The following ENOX2 variants were observed in gnomAD, a reference collection of about 807,000 sequenced individuals.
ENOX2 encodes APK1 antigen.
ENOX2 carries 36 observed loss-of-function variants against 45.0 expected under a neutral mutation model. That is an observed-to-expected ratio of 0.80 (90% confidence interval 0.61 to 1.06). The LOEUF (loss-of-function observed/expected upper bound fraction) is 1.06. Among genes scored for constraint, ENOX2 ranks in the 50% least tolerant of loss-of-function variants. The pLI is 0.00. For synonymous variants in ENOX2, 174 were observed against 152.3 expected, an observed-to-expected ratio of 1.14 and a Z score of -1.05; for missense variants, 423 against 462.5, an observed-to-expected ratio of 0.91 and a Z score of 0.78.
chrX:130,638,140 C>T (rs1368436984), intron 10 of ENOX2, among the ~76,000 whole-genome samples: 3 of 106,642 alleles, frequency 2.8e-5, no homozygotes, highest in East Asian at 2.9e-4. Context: ...AGGATCTTGG[C>T]TCACTGCAAC....
intron 3 of ENOX2, among the ~76,000 whole-genome samples, chrX:130,750,997 T>A: frequency 8.9e-6 from 1 of 111,814 alleles, no homozygotes; most frequent in Non-Finnish European, 1.9e-5. Flanking sequence ...TTTCCTTTAG[T>A]AGTTTGGCTG....
At chrX:130,710,693 A>G (rs2038166496) in intron 3 of ENOX2, among the ~76,000 whole-genome samples, 1 of 111,445 alleles carries the variant, frequency 9.0e-6, no homozygotes, top group African/African-American at 3.3e-5. Flanking sequence ...CATCTATCAC[A>G]TGTATAGGCA....
chrX:130,790,166 TGAA>T lies in ENOX2; in HGVS notation c.-182-6479_-182-6477del, dbSNP rs773106741. On this transcript the variant is annotated intron_variant, in intron 2 of 14. Coordinates refer to ENST00000394363, the MANE Select transcript of ENOX2 (RefSeq NM_006375.4). ...ACAAATAATGGGTAAGTAAAGGTAA[TGAA>T]GAAGAAGTGAGAAAGAAAACGGAAA... 3.6e-5 allele frequency among the ~76,000 whole-genome samples: 4 copies of T among 112,598 alleles called. No individual in the cohort carries two copies. In the East Asian group the frequency reaches 8.4e-4, roughly 24 times the overall value.
intron 3 of ENOX2, among the ~76,000 whole-genome samples, chrX:130,733,030 C>G (rs2148296942): frequency 8.9e-6 from 1 of 111,915 alleles, no homozygotes; most frequent in Non-Finnish European, 1.9e-5. Flanking sequence ...GGGTCTACAT[C>G]AAACTAAAAA....
chrX:130,870,686 C>A (rs958296214), intron 2 of ENOX2, among the ~76,000 whole-genome samples: 1 of 111,697 alleles, frequency 9.0e-6, no homozygotes, highest in Non-Finnish European at 1.9e-5. Flanking sequence ...CCCTTTAACA[C>A]ACACCTTGCC....
chrX:130,833,011 T>TCACACA lies in ENOX2; in HGVS notation c.-182-49327_-182-49322dup, dbSNP rs10568834. On this transcript the variant is annotated intron_variant, in intron 2 of 14. Coordinates refer to ENST00000394363, the MANE Select transcript of ENOX2 (RefSeq NM_006375.4). ...CTGAAGTATAAGTATTCATGTATAA[T>TCACACA]CACACACACACACACACACACACAC... 7.1e-3 allele frequency among the ~76,000 whole-genome samples: 585 copies of TCACACA among 82,970 alleles called. 4 individuals are homozygous for TCACACA. The highest frequency in any genetic ancestry group is 0.018 in the African/African-American group (425 of 23,132). 72.0% of individuals were successfully genotyped at this position (82,970 alleles called of 115,157 possible).
intron 6 of ENOX2, among the ~76,000 whole-genome samples, chrX:130,675,089 A>G (rs1404505442): frequency 1.0e-4 from 11 of 106,805 alleles, no homozygotes; most frequent in African/African-American, 1.4e-4. Context: ...ACGTGTGCAT[A>G]TGTCTTTATA....
chrX:130,890,456 T>C lies in ENOX2; in HGVS notation c.-183+11228A>G, dbSNP rs531966727. 5.4e-5 allele frequency among the ~76,000 whole-genome samples: 6 copies of C among 111,961 alleles called. No individual in the cohort carries two copies. The South Asian group carries it at 1.5e-3, about 28-fold the overall frequency. ...AATTTCCATCACTAGCCACCCCAGA[T>C]TCTGAGTATTTTTGTCAAAAACAAA... On this transcript the variant is annotated intron_variant, in intron 2 of 14. Coordinates refer to ENST00000394363, the MANE Select transcript of ENOX2 (RefSeq NM_006375.4).
chrX:130,880,976 T>C lies in ENOX2; in HGVS notation c.-183+20708A>G, dbSNP rs192227743. On this transcript the variant is annotated intron_variant, in intron 2 of 14. Transcript: ENST00000394363. ...AAAAGGAAACAACATTCCAGTTTGA[T>C]TTCCTGTTGATACAATTATCACTGT... Among the ~76,000 whole-genome samples the C allele has an allele frequency of 4.0e-3, 449 of 112,685 alleles. 3 individuals are homozygous for C. Among genetic ancestry groups the C allele is most frequent in the African/African-American group, 0.013 (415 of 31,068 alleles).
chrX:130,752,442 T>C (rs1364053859), intron 3 of ENOX2, among the ~76,000 whole-genome samples: 4 of 52,545 alleles, frequency 7.6e-5, no homozygotes, highest in Non-Finnish European at 1.0e-4. Context: ...TCTCTCTCCA[T>C]CTGCATCTCT....
intron 11 of ENOX2, among the ~76,000 whole-genome samples, chrX:130,636,246 C>A (rs1280760631): frequency 8.9e-6 from 1 of 112,265 alleles, no homozygotes; most frequent in Non-Finnish European, 1.9e-5. Context: ...TTACTTCACA[C>A]ATTTTGTTAA....
chrX:130,806,685 C>G (rs1176077533), intron 2 of ENOX2, among the ~76,000 whole-genome samples: 1 of 111,943 alleles, frequency 8.9e-6, no homozygotes, highest in Non-Finnish European at 1.9e-5. Flanking sequence ...ACTAAAATAA[C>G]CTCATTAATT....
chrX:130,816,812 G>A (rs967015075), intron 2 of ENOX2, among the ~76,000 whole-genome samples: 17 of 111,793 alleles, frequency 1.5e-4, no homozygotes, highest in Non-Finnish European at 2.6e-4. Flanking sequence ...GAGAAAGTGG[G>A]AAAGATGTAG....
chrX:130,814,986 G>A (rs2077456004), intron 2 of ENOX2, among the ~76,000 whole-genome samples: 2 of 111,258 alleles, frequency 1.8e-5, no homozygotes, highest in African/African-American at 6.5e-5. Flanking sequence ...ATGCAAGGAA[G>A]CTAAGAACCT....
intron 2 of ENOX2, among the ~76,000 whole-genome samples, chrX:130,899,353 T>C (rs1459881027): frequency 8.9e-6 from 1 of 111,926 alleles, no homozygotes; most frequent in Non-Finnish European, 1.9e-5. Flanking sequence ...AATAACCATT[T>C]ATTAGGTGAC....
intron 3 of ENOX2, among the ~76,000 whole-genome samples, chrX:130,772,759 T>C (rs966866276): frequency 1.8e-5 from 2 of 111,957 alleles, no homozygotes; most frequent in African/African-American, 6.5e-5. Context: ...TTTTACCTCC[T>C]CCCCACGAAG....
chrX:130,869,854 T>C (rs1211352946), intron 2 of ENOX2, among the ~76,000 whole-genome samples: 1 of 111,701 alleles, frequency 9.0e-6, no homozygotes, highest in Non-Finnish European at 1.9e-5. Flanking sequence ...GAGCACAAAG[T>C]ACATATTAAA....
intron 2 of ENOX2, among the ~76,000 whole-genome samples, chrX:130,891,435 C>G (rs1569336565): frequency 1.0e-5 from 1 of 96,825 alleles, no homozygotes; most frequent in Non-Finnish European, 2.0e-5. Context: ...ACATGTCAGA[C>G]ATGGCAAATT....
intron 10 of ENOX2, 79 bp from the exon 11 acceptor site, chrX:130,637,489 C>A: frequency 1.1e-6 from 1 of 896,651 alleles, no homozygotes; most frequent in South Asian, 2.5e-5. Context: ...AAGGTTGGTT[C>A]TTCCTCTTGA....
Sources: allele counts gnomAD v4.1 joint callset (sites outside exome capture counted in the v4.1 genomes callset), GRCh38; gene constraint gnomAD v4.1.1; transcripts MANE v1.5; gene names NCBI Gene and HGNC (gene_info 2026-07-23, HGNC 2026-07-21).